Variants in ATXN10 observed in about 807,000 individuals in gnomAD.
The protein encoded by ATXN10 is ataxin 10.
A neutral mutation model predicts 52.9 loss-of-function variants in ATXN10; 28 were observed. That is an observed-to-expected ratio of 0.53 (90% confidence interval 0.39 to 0.73). The LOEUF is 0.73. Ranked by LOEUF, ATXN10 falls within the 30% of genes least tolerant of loss-of-function variation. The pLI is 0.00. For synonymous variants in ATXN10, 226 were observed against 221.5 expected, an observed-to-expected ratio of 1.02 and a Z score of -0.18; for missense variants, 565 against 577.0, an observed-to-expected ratio of 0.98 and a Z score of 0.21.
In ATXN10 at chr22:45,725,693, A is replaced by G. The variant is rs193076260; in HGVS notation, c.729-3732A>G. Among the ~76,000 whole-genome samples the G allele has an allele frequency of 3.3e-5, 5 of 152,146 alleles. No individual in the cohort carries two copies. In the East Asian group the frequency reaches 9.7e-4, roughly 29 times the overall value. On this transcript the variant is annotated intron_variant, in intron 6 of 11. Transcript: ENST00000252934. Reference sequence around the variant, plus strand: ...CCTGATTGTTCTGGCTAGACCTTCCAGTGTTATACTGAATAGAAGTGGTGA... The same window carrying G: ...CCTGATTGTTCTGGCTAGACCTTCCGGTGTTATACTGAATAGAAGTGGTGA...
intron 10 of ATXN10, among the ~76,000 whole-genome samples, chr22:45,807,623 C>A (rs1928145531): frequency 6.6e-6 from 1 of 152,216 alleles, no homozygotes; most frequent in Admixed American, 6.5e-5. Flanking sequence ...TGCAGGGACC[C>A]TGCTTTTTTC....
chr22:45,731,459 T>C (rs962325219), intron 7 of ATXN10, among the ~76,000 whole-genome samples: 3 of 152,242 alleles, frequency 2.0e-5, no homozygotes, highest in African/African-American at 4.8e-5. Flanking sequence ...TTTCATTGCA[T>C]GTATATTATA....
rs530195745 is a variant in ATXN10, at chr22:45,732,589, T to A, written c.894+2999T>A. Among the ~76,000 whole-genome samples the A allele has an allele frequency of 3.6e-4, 54 of 151,444 alleles. 2 individuals are homozygous for A. Among genetic ancestry groups the A allele is most frequent in the Admixed American group, 3.0e-3 (46 of 15,252 alleles). ...ATATGTCATACTTTTTTTTTTTTTT[T>A]AAAAGAGGACCACTTTGCCAGTATT... On this transcript the variant is annotated intron_variant, in intron 7 of 11. Transcript: ENST00000252934. This position sits in a 1 kb window ranked among gnomAD's most constrained non-coding sequence, Gnocchi z 4.5.
intron 1 of ATXN10, chr22:45,675,470 A>G (rs1447774279): frequency 1.3e-5 from 2 of 152,246 alleles, no homozygotes; most frequent in Non-Finnish European, 2.9e-5. Flanking sequence ...AGGTCATAAA[A>G]AGCATCGTAG....
chr22:45,737,801 C>T (rs190767538), intron 7 of ATXN10, among the ~76,000 whole-genome samples: 36 of 147,450 alleles, frequency 2.4e-4, no homozygotes, highest in Admixed American at 1.5e-3. Context: ...TAGGTTGAAA[C>T]GATTCTACTG....
chr22:45,702,025 C>G (rs1923860202), intron 4 of ATXN10, among the ~76,000 whole-genome samples: 1 of 152,112 alleles, frequency 6.6e-6, no homozygotes, highest in South Asian at 2.1e-4. Context: ...AATTTGAATT[C>G]CAGTTTTGTC....
Position 45,733,752 on chromosome 22 carries a change from A to G in ATXN10, c.894+4162A>G, listed in dbSNP as rs2146794007. Among the ~76,000 whole-genome samples, 1 of 151,200 alleles carries G rather than the reference A, an allele frequency of 6.6e-6. No individual in the cohort carries two copies. The highest frequency in any genetic ancestry group is 1.5e-5 in the Non-Finnish European group (1 of 67,772). ...GCCTGGGCGACAGAGCAAGACTCCC[A>G]TCTTAAAAAAAAAAAAAAGTTACAA... On this transcript the variant is annotated intron_variant, in intron 7 of 11. Coordinates refer to ENST00000252934, the MANE Select transcript of ATXN10 (RefSeq NM_013236.4). This position sits in a 1 kb window ranked among gnomAD's most constrained non-coding sequence, Gnocchi z 4.4.
intron 9 of ATXN10, among the ~76,000 whole-genome samples, chr22:45,797,976 GAAAC>G (rs1379821283): frequency 3.3e-5 from 5 of 152,078 alleles, no homozygotes; most frequent in East Asian, 1.9e-4. Flanking sequence ...TTTCTTGAAA[GAAAC>G]AAAATAAAAA....
At position 45,837,152 on chromosome 22, in the gene ATXN10, A is replaced by G. The variant is rs911329390; in HGVS notation, c.1238-5839A>G. 2.6e-5 allele frequency among the ~76,000 whole-genome samples: 4 copies of G among 152,250 alleles called. No individual in the cohort carries two copies. The highest frequency in any genetic ancestry group is 9.6e-5 in the African/African-American group (4 of 41,462). The stretch of plus-strand genomic sequence containing the variant: ...TATCTGTTATACAGATATTATAAAT[A>G]AAGTCCATATATATCAGAACATTAT... On this transcript the variant is annotated intron_variant, in intron 10 of 11. Coordinates refer to ENST00000252934, the MANE Select transcript of ATXN10 (RefSeq NM_013236.4). This position sits in a 1 kb window ranked among gnomAD's most constrained non-coding sequence, Gnocchi z 5.8.
rs190839449 is a variant in ATXN10 at position 45,754,210 on chromosome 22, C to T, written c.1173+13672C>T. ...TCCAGCAGCTTGGCACGTGTACCTT[C>T]GTGGTGCATGGGAAATTTTGATTCA... On this transcript the variant is annotated intron_variant, in intron 9 of 11. Transcript: ENST00000252934. The surrounding 1 kb of genome is among the most constrained non-coding windows in gnomAD (Gnocchi z 5.4). Among the ~76,000 whole-genome samples, 6 of 152,326 alleles carry T rather than the reference C, an allele frequency of 3.9e-5. No individual in the cohort carries two copies. The highest frequency in any genetic ancestry group is 3.9e-4 in the East Asian group (2 of 5,184).
At chr22:45,722,027 G>T (rs1250961980) in intron 6 of ATXN10, among the ~76,000 whole-genome samples, 1 of 152,232 alleles carries the variant, frequency 6.6e-6, no homozygotes, top group Non-Finnish European at 1.5e-5. Context: ...ATGACAGCCA[G>T]TGATTGAGAG....
At chr22:45,710,342 A>T (rs1380513904) in intron 5 of ATXN10, among the ~76,000 whole-genome samples, 1 of 152,148 alleles carries the variant, frequency 6.6e-6, no homozygotes, top group East Asian at 1.9e-4. Context: ...CTTCCTTTAG[A>T]TCTTCCCATG....
At chr22:45,839,563 G>A (rs1276656526) in intron 10 of ATXN10, among the ~76,000 whole-genome samples, 3 of 152,106 alleles carry the variant, frequency 2.0e-5, no homozygotes, top group Non-Finnish European at 4.4e-5. Context: ...ATATAAAGCG[G>A]GCATTGTGTA....
chr22:45,769,321 T>C lies in ATXN10; in HGVS notation c.1173+28783T>C, dbSNP rs1210274418. On this transcript the variant is annotated intron_variant, in intron 9 of 11. Coordinates refer to ENST00000252934, the MANE Select transcript of ATXN10 (RefSeq NM_013236.4). The surrounding 1 kb of genome is among the most constrained non-coding windows in gnomAD (Gnocchi z 4.2). ...CCATACAGACACATTTTTGTTGTTA[T>C]ATTCATAGACACAACAGACATTTCT... is the stretch of plus-strand genomic sequence containing the variant. Among the ~76,000 whole-genome samples, 2 of 152,230 alleles carry C rather than the reference T, an allele frequency of 1.3e-5. No homozygotes were observed. The highest frequency in any genetic ancestry group is 2.9e-5 in the Non-Finnish European group (2 of 68,024).
rs199600628 is a variant in ATXN10, at chr22:45,843,653, C to G, written c.1426-16C>G. On this transcript the variant is annotated splice_polypyrimidine_tract_variant and intron_variant, in intron 11 of 11. Coordinates refer to ENST00000252934, the MANE Select transcript of ATXN10 (RefSeq NM_013236.4). The surrounding 1 kb of genome is among the most constrained non-coding windows in gnomAD (Gnocchi z 4.5). ...ATTTGCTACATCTGCAATTTTGTTT[C>G]TTTCTTCTTCTTTAGTGAATGAACT... is the stretch of plus-strand genomic sequence containing the variant. 1.6e-5 allele frequency: 26 copies of G among 1,611,406 alleles called. No homozygotes were observed. The highest frequency in any genetic ancestry group is 1.5e-4 in the South Asian group (14 of 90,706).
At position 45,690,118 on chromosome 22, in the gene ATXN10, T is replaced by C. The variant is rs908387447; in HGVS notation, c.308+215T>C. Among the ~76,000 whole-genome samples, 1 of 151,530 alleles carries C rather than the reference T, an allele frequency of 6.6e-6. No individual in the cohort carries two copies. Among genetic ancestry groups the C allele is most frequent in the African/African-American group, 2.4e-5 (1 of 41,208 alleles). On this transcript the variant is annotated intron_variant, in intron 2 of 11. Transcript: ENST00000252934. The surrounding 1 kb of genome is among the most constrained non-coding windows in gnomAD (Gnocchi z 4.5). ...TGAGACCCTGTCTCTACAAAAAAAA[T>C]ACAAAAAATTAGCTGGACATGGTGG...
At chr22:45,767,672 TGAAA>T (rs1341034852) in intron 9 of ATXN10, among the ~76,000 whole-genome samples, 5 of 151,530 alleles carry the variant, frequency 3.3e-5, no homozygotes, top group East Asian at 3.9e-4. Flanking sequence ...TACAATCTCT[TGAAA>T]GAAAGAAAAA....
chr22:45,721,360 C>T (rs1273532238), intron 6 of ATXN10, among the ~76,000 whole-genome samples: 1 of 152,118 alleles, frequency 6.6e-6, no homozygotes, highest in Non-Finnish European at 1.5e-5. Context: ...CTGCCGCTTA[C>T]TACTTTGGAT....
Position 45,718,347 on chromosome 22 carries a change from T to G in ATXN10, c.648-66T>G, listed in dbSNP as rs1924522465. 1.7e-6 allele frequency: 2 copies of G among 1,186,546 alleles called. No homozygotes were observed. The highest frequency in any genetic ancestry group is 2.5e-6 in the Non-Finnish European group (2 of 790,476). The allele number at this position is 1,186,546 out of a possible 1,614,324, so 73.5% of individuals were successfully genotyped here. On this transcript the variant is annotated intron_variant, in intron 5 of 11. Transcript: ENST00000252934. The surrounding 1 kb of genome is among the most constrained non-coding windows in gnomAD (Gnocchi z 4.4). ...TTGTGTGTAAGTGGTGCCTATAAAG[T>G]AGATAAGGGCATGTCTCTTTTACTA...
Sources: gnomAD v4.1 joint callset for allele counts (sites outside exome capture counted in the v4.1 genomes callset) on GRCh38, gnomAD v4.1.1 for gene constraint, Gnocchi (gnomAD v3.1) non-coding constraint, MANE v1.5 for transcripts, NCBI Gene and HGNC (gene_info 2026-07-23, HGNC 2026-07-21) for gene names.